The following CCDC102B variants were observed in gnomAD, a reference collection of about 807,000 sequenced individuals.
CCDC102B encodes coiled-coil domain-containing protein 102B.
CCDC102B carries 75 observed loss-of-function variants against 57.4 expected under a neutral mutation model. The observed-to-expected ratio is 1.31, with a 90% CI of 1.08 to 1.58. The LOEUF (loss-of-function observed/expected upper bound fraction) is 1.58, where lower values mean the gene tolerates loss of function less well. Among genes scored for constraint, CCDC102B ranks in the 40% most tolerant of loss-of-function variants. The pLI, the probability that CCDC102B is intolerant of heterozygous loss-of-function variation, is 0.00. For missense variants in CCDC102B, 636 were observed against 582.6 expected (o/e 1.09, Z -0.94); for synonymous variants, 206 against 201.9 (o/e 1.02, Z -0.17).
intron 4 of CCDC102B, among the ~76,000 whole-genome samples, chr18:68,850,724 C>T (rs769610858): frequency 2.7e-4 from 41 of 152,122 alleles, no homozygotes; most frequent in Middle Eastern, 3.4e-3. Flanking sequence ...CCCCTGCCCA[C>T]GCTTACCTCT....
chr18:68,892,522 C>T (rs1378592207), intron 5 of CCDC102B, among the ~76,000 whole-genome samples: 3 of 152,106 alleles, frequency 2.0e-5, no homozygotes, highest in African/African-American at 7.2e-5. Flanking sequence ...TAAGTCTAAG[C>T]CTCTTTATTG....
At chr18:68,770,155 T>G (rs1282107144) in intron 2 of CCDC102B, among the ~76,000 whole-genome samples, 2 of 152,192 alleles carry the variant, frequency 1.3e-5, no homozygotes, top group African/African-American at 2.4e-5. Flanking sequence ...GCATACACCT[T>G]TGAGGGACCA....
chr18:68,938,596 C>T (rs2049302996), intron 6 of CCDC102B, among the ~76,000 whole-genome samples: 1 of 151,652 alleles, frequency 6.6e-6, no homozygotes, highest in Non-Finnish European at 1.5e-5. Flanking sequence ...TAGTATTCAT[C>T]AATATGAAAA....
At chr18:68,812,459 A>G (rs573075680) in intron 1 of CCDC102B, among the ~76,000 whole-genome samples, 3 of 152,330 alleles carry the variant, frequency 2.0e-5, no homozygotes, top group South Asian at 4.1e-4. Flanking sequence ...ATAAAGCAAT[A>G]GAAAACAACT....
intron 2 of CCDC102B, among the ~76,000 whole-genome samples, chr18:68,722,899 CTTTTTTTTTTT>C (rs370512490): frequency 1.5e-5 from 2 of 131,820 alleles, no homozygotes; most frequent in Non-Finnish European, 3.3e-5. Flanking sequence ...TTTTTGCAAC[CTTTTTTTTTTT>C]TTTTTTTTAG....
Position 69,005,712 on chromosome 18 carries a change from A to C in CCDC102B, c.1264-5222A>C, listed in dbSNP as rs527561210. ...CAAAATAAACTAATGCCATAACCAC[A>C]TATATAATTTAAAGCATTCCATCAA... On this transcript the variant is annotated intron_variant, in intron 6 of 7. Coordinates refer to ENST00000360242, the MANE Select transcript of CCDC102B (RefSeq NM_024781.3). Among the ~76,000 whole-genome samples, 13 of 151,736 alleles carry C rather than the reference A, an allele frequency of 8.6e-5. No homozygotes were observed. In the East Asian group the frequency reaches 2.5e-3, roughly 29 times the overall value.
intron 2 of CCDC102B, among the ~76,000 whole-genome samples, chr18:68,747,003 A>G (rs892803779): frequency 7.9e-5 from 12 of 152,020 alleles, no homozygotes; most frequent in African/African-American, 2.7e-4. Flanking sequence ...ATTTTGATAC[A>G]TGGATACAAT....
At position 69,045,477 on chromosome 18, in the gene CCDC102B, C is replaced by T. The variant is rs564246168; in HGVS notation, c.1435-8553C>T. 2.7e-3 allele frequency among the ~76,000 whole-genome samples: 403 copies of T among 152,020 alleles called. 2 individuals carry two copies. Among genetic ancestry groups the T allele is most frequent in the African/African-American group, 9.3e-3 (387 of 41,510 alleles). ...TAAATACACATTCTTAATGCAAAAA[C>T]AGAAATACTGAGGAATCATTTTAAA... On this transcript the variant is annotated intron_variant, in intron 7 of 7. Coordinates refer to ENST00000360242, the MANE Select transcript of CCDC102B (RefSeq NM_024781.3).
intron 2 of CCDC102B, among the ~76,000 whole-genome samples, chr18:68,769,932 T>C (rs538038105): frequency 6.6e-6 from 1 of 152,224 alleles, no homozygotes; most frequent in South Asian, 2.1e-4. Context: ...ATTGAATATA[T>C]TAGGATGAGG....
chr18:68,939,122 CT>C (rs1381227092), intron 6 of CCDC102B, among the ~76,000 whole-genome samples: 1 of 151,670 alleles, frequency 6.6e-6, no homozygotes, highest in East Asian at 1.9e-4. Flanking sequence ...TTAAATGTCA[CT>C]TTTTCCCCCA....
At chr18:69,018,210 A>G (rs1416817209) in intron 7 of CCDC102B, among the ~76,000 whole-genome samples, 1 of 152,252 alleles carries the variant, frequency 6.6e-6, no homozygotes, top group Non-Finnish European at 1.5e-5. Context: ...ATTTCATTTC[A>G]CATACACACA....
At chr18:68,879,584 C>T (rs2039598428) in intron 5 of CCDC102B, among the ~76,000 whole-genome samples, 1 of 151,948 alleles carries the variant, frequency 6.6e-6, no homozygotes, top group Non-Finnish European at 1.5e-5. Flanking sequence ...TGCAAGGCCC[C>T]ACCAGAGTAG....
intron 6 of CCDC102B, among the ~76,000 whole-genome samples, chr18:68,941,148 A>G (rs2049370997): frequency 6.7e-6 from 1 of 150,094 alleles, no homozygotes; most frequent in Non-Finnish European, 1.5e-5. Context: ...GTATTTATTT[A>G]TAATATTACT....
chr18:68,834,590 T>G (rs1394077539), intron 1 of CCDC102B, among the ~76,000 whole-genome samples: 1 of 151,278 alleles, frequency 6.6e-6, no homozygotes, highest in Non-Finnish European at 1.5e-5. Context: ...TCAGCAATAA[T>G]TGAAACATGA....
intron 2 of CCDC102B, among the ~76,000 whole-genome samples, chr18:68,770,886 G>A (rs1224997295): frequency 1.3e-5 from 2 of 152,228 alleles, no homozygotes; most frequent in Non-Finnish European, 2.9e-5. Flanking sequence ...TTAGAGCGAA[G>A]CTCAGAGTAC....
intron 5 of CCDC102B, among the ~76,000 whole-genome samples, chr18:68,883,244 T>TA (rs935765242): frequency 3.3e-5 from 5 of 151,122 alleles, no homozygotes; most frequent in African/African-American, 1.2e-4. Context: ...CAGTGTCTAC[T>TA]AAAAAAAATA....
At chr18:68,763,260 C>T (rs1261753353) in intron 2 of CCDC102B, among the ~76,000 whole-genome samples, 1 of 152,028 alleles carries the variant, frequency 6.6e-6, no homozygotes, top group Non-Finnish European at 1.5e-5. Context: ...GTTGCCATGG[C>T]ACAACCTCCT....
chr18:68,916,031 A>G (rs926213918), intron 6 of CCDC102B, among the ~76,000 whole-genome samples: 3 of 152,178 alleles, frequency 2.0e-5, no homozygotes, highest in Non-Finnish European at 4.4e-5. Flanking sequence ...TATATATTAT[A>G]GGTATGAGAA....
intron 6 of CCDC102B, among the ~76,000 whole-genome samples, chr18:68,911,639 C>T (rs58586030): frequency 6.9e-6 from 1 of 145,248 alleles, no homozygotes; most frequent in Non-Finnish European, 1.5e-5. Flanking sequence ...GTAGTCCCAG[C>T]TACTCGAGAG....
Sources: allele counts gnomAD v4.1 joint callset (sites outside exome capture counted in the v4.1 genomes callset), GRCh38; gene constraint gnomAD v4.1.1; transcripts MANE v1.5; gene names NCBI Gene and HGNC (gene_info 2026-07-23, HGNC 2026-07-21).